ESRRG: variants seen among roughly 807,000 people sequenced by gnomAD.
ESRRG encodes estrogen-related receptor gamma.
ESRRG carries 13 observed loss-of-function variants against 44.0 expected under a neutral mutation model. The ratio of observed to expected loss-of-function variants is 0.30; its 90% CI spans 0.19 to 0.47. The LOEUF (loss-of-function observed/expected upper bound fraction) is 0.47. Among genes scored for constraint, ESRRG ranks in the 20% least tolerant of loss-of-function variants. ESRRG has a pLI of 1.00. For synonymous variants in ESRRG, 215 were observed against 214.6 expected (o/e 1.00, Z -0.02); for missense variants, 395 against 580.6 (o/e 0.68, Z 3.29).
chr1:217,110,869 G>T (rs2092654021), intron 1 of ESRRG, among the ~76,000 whole-genome samples: 1 of 152,046 alleles, frequency 6.6e-6, no homozygotes. Context: ...CTGACCATAG[G>T]GAATCACTGA....
intron 1 of ESRRG, among the ~76,000 whole-genome samples, chr1:217,014,088 C>G (rs1298573726): frequency 6.6e-6 from 1 of 151,970 alleles, no homozygotes; most frequent in African/African-American, 2.4e-5. Flanking sequence ...GTTTTTTACC[C>G]CCTTTCCCTC....
At chr1:216,538,260 G>A (rs78310453) in intron 5 of ESRRG, among the ~76,000 whole-genome samples, 1 of 31,062 alleles carries the variant, frequency 3.2e-5, no homozygotes, top group Non-Finnish European at 5.5e-5. Context: ...TAAAAATTTT[G>A]TGTGTGTGTG....
intron 2 of ESRRG, among the ~76,000 whole-genome samples, chr1:216,656,423 T>C (rs2070598392): frequency 6.6e-6 from 1 of 152,204 alleles, no homozygotes; most frequent in South Asian, 2.1e-4. Flanking sequence ...TGGCGGCTTT[T>C]CAAAAAGTCC....
intron 2 of ESRRG, among the ~76,000 whole-genome samples, chr1:216,842,371 G>A (rs1045437504): frequency 2.6e-5 from 4 of 152,116 alleles, no homozygotes; most frequent in African/African-American, 4.8e-5. Context: ...CTGTGCTTGC[G>A]TGGCACTCAC....
chr1:217,136,785 C>T (rs1434202621), intron 1 of ESRRG, among the ~76,000 whole-genome samples: 5 of 152,158 alleles, frequency 3.3e-5, no homozygotes, highest in Non-Finnish European at 7.3e-5. Flanking sequence ...CCGAATATAA[C>T]AGACACTCGC....
intron 3 of ESRRG, among the ~76,000 whole-genome samples, chr1:216,576,580 C>T (rs557639522): frequency 4.2e-4 from 64 of 152,024 alleles, no homozygotes; most frequent in Non-Finnish European, 7.9e-4. Context: ...GTGCATAGGA[C>T]ATAACCCCAA....
intron 2 of ESRRG, among the ~76,000 whole-genome samples, chr1:216,908,561 T>C (rs939294691): frequency 1.3e-5 from 2 of 152,184 alleles, no homozygotes; most frequent in South Asian, 4.1e-4. Flanking sequence ...AATTTCAGCT[T>C]GCTAGGACAG....
chr1:216,513,017 C>T (rs1467069714), intron 6 of ESRRG, among the ~76,000 whole-genome samples: 2 of 152,126 alleles, frequency 1.3e-5, no homozygotes, highest in African/African-American at 4.8e-5. Flanking sequence ...GGAGTGAAAA[C>T]CTGTCCATAC....
chr1:216,724,254 C>G (rs1037131277), upstream of ESRRG, among the ~76,000 whole-genome samples: 3 of 151,926 alleles, frequency 2.0e-5, no homozygotes, highest in Non-Finnish European at 4.4e-5. Flanking sequence ...GGTAAACAGC[C>G]GCAGGACAAA....
At chr1:217,124,023 CACTAT>C (rs1399802428) in intron 1 of ESRRG, among the ~76,000 whole-genome samples, 1 of 152,182 alleles carries the variant, frequency 6.6e-6, no homozygotes, top group African/African-American at 2.4e-5. Context: ...ACCTTTGAGC[CACTAT>C]CACACCACAT....
intron 1 of ESRRG, among the ~76,000 whole-genome samples, chr1:217,029,828 A>C (rs946999263): frequency 3.9e-5 from 6 of 152,220 alleles, no homozygotes; most frequent in African/African-American, 7.2e-5. Context: ...CAAAAAATAA[A>C]AACGCAGCTG....
chr1:216,823,063 C>T (rs1312064080), intron 2 of ESRRG, among the ~76,000 whole-genome samples: 4 of 151,748 alleles, frequency 2.6e-5, no homozygotes, highest in Non-Finnish European at 5.9e-5. Flanking sequence ...CTCCTATTTC[C>T]TCCCAAACTG....
At chr1:217,066,477 G>A (rs2151408846) in intron 1 of ESRRG, among the ~76,000 whole-genome samples, 1 of 151,330 alleles carries the variant, frequency 6.6e-6, no homozygotes, top group East Asian at 2.0e-4. Context: ...TCCTGACCTC[G>A]TGATCCACCT....
intron 5 of ESRRG, among the ~76,000 whole-genome samples, chr1:216,523,499 T>TTG (rs2046722410): frequency 2.4e-5 from 2 of 82,324 alleles, no homozygotes; most frequent in African/African-American, 5.9e-5. Flanking sequence ...TGTTTTTTTT[T>TTG]TTGTTTTTTT....
intron 1 of ESRRG, among the ~76,000 whole-genome samples, chr1:217,117,752 C>T (rs1042898314): frequency 2.0e-5 from 3 of 152,020 alleles, no homozygotes; most frequent in Non-Finnish European, 4.4e-5. Flanking sequence ...TTTCTCTTTA[C>T]CAAACTGAGG....
intron 3 of ESRRG, among the ~76,000 whole-genome samples, chr1:216,591,880 A>G (rs1456052173): frequency 6.6e-6 from 1 of 152,242 alleles, no homozygotes; most frequent in East Asian, 1.9e-4. Flanking sequence ...GGGGAATGGA[A>G]TAATTATAGT....
chr1:216,942,040 A>G (rs1408840586), intron 1 of ESRRG, among the ~76,000 whole-genome samples: 1 of 152,132 alleles, frequency 6.6e-6, no homozygotes, highest in African/African-American at 2.4e-5. Flanking sequence ...TACCGGACAG[A>G]AAGTTTTTCA....
rs369432725 is a variant in ESRRG, at chr1:216,691,066, T to A, written c.57-13575A>T. Among the ~76,000 whole-genome samples the A allele has an allele frequency of 3.3e-5, 5 of 152,288 alleles. No homozygotes were observed. The East Asian group carries it at 5.8e-4, about 18-fold the overall frequency. On this transcript the variant is annotated intron_variant, in intron 1 of 6. Coordinates refer to ENST00000408911, the MANE Select transcript of ESRRG (RefSeq NM_001438.4). ...AAAATATGTCCAATAATAAAATGGCTTTAGGAAATCTGCAATGTGTGAGTA... is the reference window on the plus strand; with the variant it reads ...AAAATATGTCCAATAATAAAATGGCATTAGGAAATCTGCAATGTGTGAGTA...
At chr1:216,813,530 G>A (rs1353031393) in intron 2 of ESRRG, among the ~76,000 whole-genome samples, 1 of 152,132 alleles carries the variant, frequency 6.6e-6, no homozygotes, top group Admixed American at 6.6e-5. Context: ...TACATAGGTT[G>A]GGTGATAGGG....
Sources: gnomAD v4.1 joint callset for allele counts (sites outside exome capture counted in the v4.1 genomes callset) on GRCh38, gnomAD v4.1.1 for gene constraint, MANE v1.5 for transcripts, NCBI Gene and HGNC (gene_info 2026-07-23, HGNC 2026-07-21) for gene names.